Variants in PUM2 observed in about 807,000 individuals in gnomAD.
The protein encoded by PUM2 is pumilio RNA binding family member 2.
Under a neutral mutation model 124.5 loss-of-function variants are expected in PUM2, and 57 were observed. The observed-to-expected ratio is 0.46, with a 90% CI of 0.37 to 0.57. PUM2 has a LOEUF of 0.57. PUM2 is among the 20% of genes least tolerant of loss of function. The pLI, the probability that PUM2 is intolerant of heterozygous loss-of-function variation, is 0.00. For missense variants in PUM2, 1,065 were observed against 1,290.6 expected, an observed-to-expected ratio of 0.83 and a Z score of 2.68; for synonymous variants, 460 against 446.1, an observed-to-expected ratio of 1.03 and a Z score of -0.39.
intron 7 of PUM2, among the ~76,000 whole-genome samples, chr2:20,298,860 A>G (rs977644075): frequency 2.0e-5 from 3 of 152,192 alleles, no homozygotes; most frequent in African/African-American, 4.8e-5. Context: ...AATAACAACA[A>G]TAATGATAAT....
Position 20,254,969 on chromosome 2 carries a change from A to G in PUM2, c.2764T>C (p.Tyr922His). 1 of 1,613,128 alleles carries G rather than the reference A, an allele frequency of 6.2e-7. No homozygotes were observed. The highest frequency in any genetic ancestry group is 8.5e-7 in the Non-Finnish European group (1 of 1,179,398). Residue 922 changes from tyrosine (Y) to histidine (H), a missense_variant, in exon 19 of 21, where the codon TAT becomes CAT. Around this residue, in one of 3 missense-constraint regions of PUM2, gnomAD observed 968 missense variants for 1,159.8 expected, o/e 0.83. Coordinates refer to ENST00000361078, the MANE Select transcript of PUM2 (RefSeq NM_015317.5). ...EQLVQDQYGNYVIQHVLEHGR... is the reference protein window; with the variant it reads ...EQLVQDQYGNHVIQHVLEHGR... ...TGTTCCAGTACATGCTGAATAACAT[A>G]ATTGCCATACTGATCCTAAGACAGA...
intron 12 of PUM2, among the ~76,000 whole-genome samples, chr2:20,279,665 CCTT>C (rs1671043956): frequency 6.6e-6 from 1 of 152,130 alleles, no homozygotes; most frequent in Non-Finnish European, 1.5e-5. Flanking sequence ...TAACTATTAT[CCTT>C]CTAATCCTTT....
rs752095225 is a variant in PUM2, at chr2:20,254,952, T to C, written c.2781A>G (p.Val927=). The C allele has an allele frequency of 1.7e-5, 28 of 1,613,798 alleles. 1 individual carries two copies. Among genetic ancestry groups the C allele is most frequent in the Non-Finnish European group, 2.4e-5 (28 of 1,179,730 alleles). Residue 927 remains valine, a synonymous_variant, in exon 19 of 21, where the codon GTA becomes GTG. Coordinates refer to ENST00000361078, the MANE Select transcript of PUM2 (RefSeq NM_015317.5). ...TGTCTTCAGGTCGACCGTGTTCCAG[T>C]ACATGCTGAATAACATAATTGCCAT... ...DQYGNYVIQH[V]LEHGRPEDKS...
intron 3 of PUM2, among the ~76,000 whole-genome samples, chr2:20,313,344 G>A (rs913144637): frequency 2.6e-5 from 4 of 152,084 alleles, no homozygotes; most frequent in Admixed American, 6.5e-5. Flanking sequence ...AAATACAGAC[G>A]GAAAGCGCCA....
chr2:20,341,927 C>T lies in PUM2; in HGVS notation c.-19+8670G>A, dbSNP rs141633440. Among the ~76,000 whole-genome samples the T allele has an allele frequency of 4.4e-4, 67 of 152,000 alleles. No individual in the cohort carries two copies. In the East Asian group the frequency reaches 7.7e-3, roughly 18 times the overall value. On this transcript the variant is annotated intron_variant, in intron 1 of 20. Coordinates refer to ENST00000361078, the MANE Select transcript of PUM2 (RefSeq NM_015317.5). ...GGTGGATCACTTGCGGTCATGAGTT[C>T]GAGACCAGGGTGGCCAACATGGTGA... is the stretch of plus-strand genomic sequence containing the variant.
At chr2:20,274,969 A>AAAAAAAAAAAAAAAAAAAAC (rs1669884589) in intron 13 of PUM2, among the ~76,000 whole-genome samples, 1 of 146,326 alleles carries the variant, frequency 6.8e-6, no homozygotes, top group Non-Finnish European at 1.5e-5. Flanking sequence ...AAAAAAAAAA[A>AAAAAAAAAAAAAAAAAAAAC]AAAAAGATGC....
intron 2 of PUM2, 95 bp downstream of exon 2, chr2:20,327,215 T>C (rs932497334): frequency 6.1e-6 from 5 of 816,806 alleles, no homozygotes. Context: ...ATATGACCAC[T>C]ATTTCCAGGA....
intron 7 of PUM2, among the ~76,000 whole-genome samples, chr2:20,307,311 C>G (rs564017280): frequency 3.9e-5 from 6 of 152,220 alleles, no homozygotes; most frequent in Non-Finnish European, 7.4e-5. Context: ...AAAGACAACC[C>G]CCTTCCATAG....
chr2:20,284,875 T>C (rs1235134170), intron 10 of PUM2, among the ~76,000 whole-genome samples: 1 of 152,196 alleles, frequency 6.6e-6, no homozygotes, highest in Admixed American at 6.5e-5. Flanking sequence ...AATACAGTAA[T>C]TCTGATCAAG....
Position 20,291,644 on chromosome 2 carries a change from T to G in PUM2, c.1153-854A>C, listed in dbSNP as rs189043460. On this transcript the variant is annotated intron_variant, in intron 9 of 20. Transcript: ENST00000361078. ...TTCTTTTTCTTGTGTTTCTCTTTACTTCAGAGGAACTGGAGCTGCTCCCAT... is the reference window on the plus strand; with the variant it reads ...TTCTTTTTCTTGTGTTTCTCTTTACGTCAGAGGAACTGGAGCTGCTCCCAT... Among the ~76,000 whole-genome samples, 383 of 152,270 alleles carry G rather than the reference T, an allele frequency of 2.5e-3. 1 individual carries two copies. The highest frequency in any genetic ancestry group is 4.8e-3 in the Admixed American group (73 of 15,296).
intron 1 of PUM2, among the ~76,000 whole-genome samples, chr2:20,341,434 A>G (rs563615126): frequency 6.6e-6 from 1 of 152,354 alleles, no homozygotes; most frequent in East Asian, 1.9e-4. Context: ...GTAAAAATAC[A>G]AAGTTGCCTA....
At chr2:20,315,125 C>T (rs557253814) in intron 3 of PUM2, among the ~76,000 whole-genome samples, 2 of 145,302 alleles carry the variant, frequency 1.4e-5, no homozygotes, top group African/African-American at 2.6e-5. Context: ...TGGTCTCAAA[C>T]TCCTGGCCTC....
In PUM2 at chr2:20,318,571, A is replaced by T. The variant is rs1159835324; in HGVS notation, c.126T>A (p.Asp42Glu). ...KDGQKGIFLG[D>E]DEWRETAWGA... ...CCCATGCAGTCTCTCTCCATTCATCATCCCCAAGAAATATGCCTTTTTGTC... is the reference window on the plus strand; with the variant it reads ...CCCATGCAGTCTCTCTCCATTCATCTTCCCCAAGAAATATGCCTTTTTGTC... The change falls in exon 3 of 21, where the codon GAT (aspartate) becomes GAA (glutamate). Residue 42 changes from aspartate to glutamate, a missense_variant. Transcript: ENST00000361078. 3 of 1,613,644 alleles carry T rather than the reference A, an allele frequency of 1.9e-6. No individual in the cohort carries two copies. The highest frequency in any genetic ancestry group is 2.5e-6 in the Non-Finnish European group (3 of 1,179,794).
intron 10 of PUM2, among the ~76,000 whole-genome samples, chr2:20,287,826 A>G (rs774825530): frequency 6.6e-6 from 1 of 152,248 alleles, no homozygotes; most frequent in East Asian, 1.9e-4. Flanking sequence ...AGTTGCAGCC[A>G]AGAGTTTCTA....
At chr2:20,265,253 A>C (rs143655527) in intron 13 of PUM2, among the ~76,000 whole-genome samples, 5,393 of 151,920 alleles carry the variant, frequency 0.035, 93 homozygotes, top group Middle Eastern at 0.068. Flanking sequence ...CCGTCACAAA[A>C]AAAAAAAAAA....
At chr2:20,340,905 C>G (rs549682972) in intron 1 of PUM2, among the ~76,000 whole-genome samples, 2 of 152,288 alleles carry the variant, frequency 1.3e-5, no homozygotes, top group South Asian at 4.1e-4. Context: ...CAATGCCTCC[C>G]TCATAGGGCT....
At position 20,350,746 on chromosome 2, in the gene PUM2, C is replaced by T. The variant is rs1052486522; in HGVS notation, c.-168G>A. 26 of 971,976 alleles carry T rather than the reference C, an allele frequency of 2.7e-5. No homozygotes were observed. Among genetic ancestry groups the T allele is most frequent in the Non-Finnish European group, 3.2e-5 (26 of 822,088 alleles). The allele number at this position is 971,976 out of a possible 1,614,324, so 60.2% of individuals were successfully genotyped here. A position where few individuals can be genotyped will look rare whatever the true frequency, so the allele number is the denominator to read the frequency against. On this transcript the variant is annotated 5_prime_UTR_variant, in exon 1 of 21. Transcript: ENST00000361078. ...CCACCCTCCCCCCCCACCCCACCTC[C>T]TCCTTCTCCTCCCCCTCCTCCTCCG...
intron 12 of PUM2, among the ~76,000 whole-genome samples, chr2:20,281,522 A>G (rs1464556312): frequency 6.6e-6 from 1 of 152,126 alleles, no homozygotes; most frequent in African/African-American, 2.4e-5. Flanking sequence ...TTTAAAAACT[A>G]TTTCCACAAG....
intron 1 of PUM2, among the ~76,000 whole-genome samples, chr2:20,336,193 G>GT (rs1363280387): frequency 1.4e-5 from 2 of 143,836 alleles, no homozygotes; most frequent in East Asian, 5.3e-4. Flanking sequence ...TTGTTTTTTT[G>GT]TTTGTTTTTT....
Sources: allele counts gnomAD v4.1 joint callset (sites outside exome capture counted in the v4.1 genomes callset), GRCh38; gene constraint gnomAD v4.1.1; regional missense constraint gnomAD v4.1.1; transcripts MANE v1.5; gene names NCBI Gene and HGNC (gene_info 2026-07-23, HGNC 2026-07-21).